Variants in CACNA1C observed in about 807,000 individuals in gnomAD.
The protein encoded by CACNA1C is calcium voltage-gated channel subunit alpha1 C, also known as voltage-dependent L-type calcium channel subunit alpha-1C.
A neutral mutation model predicts 229.0 loss-of-function variants in CACNA1C; 30 were observed. The ratio of observed to expected loss-of-function variants is 0.13; its 90% CI spans 0.10 to 0.18. The LOEUF (loss-of-function observed/expected upper bound fraction) is 0.18. CACNA1C is among the 10% of genes least tolerant of loss of function. The pLI is 1.00. For synonymous variants in CACNA1C, 1,114 were observed against 1,132.5 expected (o/e 0.98, Z 0.33); for missense variants, 1,658 against 2,845.0 (o/e 0.58, Z 9.49).
intron 29 of CACNA1C, among the ~76,000 whole-genome samples, chr12:2,628,024 A>T (rs1271174678): frequency 6.6e-6 from 1 of 152,240 alleles, no homozygotes; most frequent in Non-Finnish European, 1.5e-5. Context: ...CATGGCAGTG[A>T]CAGCACCTCT....
At chr12:2,052,633 C>A (rs1237156649), upstream of CACNA1C, among the ~76,000 whole-genome samples, 1 of 144,638 alleles carries the variant, frequency 6.9e-6, no homozygotes, top group African/African-American at 2.5e-5. Context: ...GCGGCCACCG[C>A]GGCTGGCGCC....
chr12:2,366,137 G>A (rs191621649), intron 3 of CACNA1C, among the ~76,000 whole-genome samples: 5 of 152,310 alleles, frequency 3.3e-5, no homozygotes, highest in East Asian at 1.9e-4. Flanking sequence ...GAGGCATCCT[G>A]AGCAAGAGCA....
intron 31 of CACNA1C, among the ~76,000 whole-genome samples, chr12:2,650,836 C>T (rs1354428670): frequency 6.6e-6 from 1 of 152,140 alleles, no homozygotes; most frequent in Non-Finnish European, 1.5e-5. Context: ...TCTGCAGAAG[C>T]CTCACTTGCA....
chr12:2,183,004 A>G (rs763418154), intron 3 of CACNA1C, among the ~76,000 whole-genome samples: 1 of 152,158 alleles, frequency 6.6e-6, no homozygotes, highest in African/African-American at 2.4e-5. Flanking sequence ...CACTTCCCCC[A>G]GATGATCTTT....
Position 2,488,440 on chromosome 12 carries a change from G to A in CACNA1C, c.916+2178G>A, listed in dbSNP as rs1268219665. 3.3e-5 allele frequency among the ~76,000 whole-genome samples: 5 copies of A among 152,158 alleles called. No homozygotes were observed. Among genetic ancestry groups the A allele is most frequent in the African/African-American group, 1.2e-4 (5 of 41,440 alleles). On this transcript the variant is annotated intron_variant, in intron 6 of 46. Transcript: ENST00000399655. The surrounding 1 kb of genome is among the most constrained non-coding windows in gnomAD (Gnocchi z 4.0). ...AGGTCGCCCCAACGCCCCAAGTACC[G>A]AACCTGTCATGGCCTCCTCTTCTCT... is the stretch of plus-strand genomic sequence containing the variant.
rs2154580847 is a variant in CACNA1C, at chr12:2,524,228, G to A, written c.1390+11244G>A. Reference sequence around the variant, plus strand: ...CCACATGCATGCCAGGCCATCCTGAGTGCTTGAGAGAGACATGGGCACATT... The same window carrying A: ...CCACATGCATGCCAGGCCATCCTGAATGCTTGAGAGAGACATGGGCACATT... On this transcript the variant is annotated intron_variant, in intron 9 of 46. Transcript: ENST00000399655. 1.3e-5 allele frequency among the ~76,000 whole-genome samples: 2 copies of A among 152,338 alleles called. 1 individual carries two copies. The highest frequency in any genetic ancestry group is 6.8e-3 in the Middle Eastern group (2 of 294).
chr12:2,088,499 G>A (rs1023385353), intron 1 of CACNA1C, among the ~76,000 whole-genome samples: 1 of 152,184 alleles, frequency 6.6e-6, no homozygotes, highest in African/African-American at 2.4e-5. Flanking sequence ...TGAAGTGGGC[G>A]TCATAATAAT....
Position 2,686,178 on chromosome 12 carries a change from C to T in CACNA1C, c.5693C>T (p.Ser1898Phe), listed in dbSNP as rs1312835338. 1.9e-6 allele frequency: 3 copies of T among 1,613,810 alleles called. No individual in the cohort carries two copies. The African/African-American group carries it at 4.0e-5, about 22-fold the overall frequency. The change falls in exon 45 of 47, where the codon TCC (serine) becomes TTC (phenylalanine). Residue 1898 changes from serine (S) to phenylalanine (F), a missense_variant. Around this residue, in one of 20 missense-constraint regions of CACNA1C, gnomAD observed 590 missense variants for 700.8 expected, o/e 0.84. Transcript: ENST00000399655. ...GCTGGCTTTGCAGGTCGAAGGGCCT[C>T]CTTCCACCTGGAATGTCTGAAGCGA... The part of the protein sequence containing the change: ...LRSASLGRRA[S>F]FHLECLKRQK...
intron 3 of CACNA1C, among the ~76,000 whole-genome samples, chr12:2,362,838 G>A (rs1471928090): frequency 1.3e-5 from 2 of 152,170 alleles, no homozygotes; most frequent in Non-Finnish European, 2.9e-5. Context: ...CAGATTCTAG[G>A]CCCAGCGGGC....
At chr12:2,443,317 A>T (rs2099246890) in intron 3 of CACNA1C, among the ~76,000 whole-genome samples, 1 of 152,240 alleles carries the variant, frequency 6.6e-6, no homozygotes, top group Non-Finnish European at 1.5e-5. Flanking sequence ...TAGGGCAGTC[A>T]TTAAAGAGCC....
At chr12:2,000,667 G>A (rs1350559117) in intron 1 of CACNA1C, among the ~76,000 whole-genome samples, 1 of 152,150 alleles carries the variant, frequency 6.6e-6, no homozygotes, top group African/African-American at 2.4e-5. Context: ...CACAACCTGG[G>A]ACCTGTAGTG....
chr12:2,576,213 G>T (rs778577510), intron 13 of CACNA1C, among the ~76,000 whole-genome samples: 3 of 152,200 alleles, frequency 2.0e-5, no homozygotes, highest in Non-Finnish European at 4.4e-5. Flanking sequence ...TCAGATGGGG[G>T]ATGGGGTGAG....
chr12:2,657,560 T>C (rs181368301), intron 34 of CACNA1C, among the ~76,000 whole-genome samples: 6 of 152,006 alleles, frequency 3.9e-5, no homozygotes, highest in African/African-American at 1.4e-4. Flanking sequence ...AAAAGGAAGC[T>C]AAAGTAAAAG....
chr12:2,135,681 C>T lies in CACNA1C; in HGVS notation c.477+15251C>T, dbSNP rs112576926. ...CTGCCCGTTCTCAGATCTCCAGCCGCGTGCTGGGAGAACCACTGCTCTCTT... is the reference window on the plus strand; with the variant it reads ...CTGCCCGTTCTCAGATCTCCAGCCGTGTGCTGGGAGAACCACTGCTCTCTT... On this transcript the variant is annotated intron_variant, in intron 3 of 46. Transcript: ENST00000399655. Among the ~76,000 whole-genome samples, 554 of 144,300 alleles carry T rather than the reference C, an allele frequency of 3.8e-3. 16 individuals carry two copies. The highest frequency in any genetic ancestry group is 0.011 in the African/African-American group (393 of 36,182). 94.7% of individuals were successfully genotyped at this position (144,300 alleles called of 152,430 possible). A position where few individuals can be genotyped will look rare whatever the true frequency, so the allele number is the denominator to read the frequency against.
chr12:2,497,446 G>A (rs1430113009), intron 7 of CACNA1C, among the ~76,000 whole-genome samples: 1 of 152,162 alleles, frequency 6.6e-6, no homozygotes, highest in Non-Finnish European at 1.5e-5. Flanking sequence ...AGCTAGACTA[G>A]GCATCACACT....
chr12:2,385,058 C>T (rs1029453927), intron 3 of CACNA1C, among the ~76,000 whole-genome samples: 1 of 152,140 alleles, frequency 6.6e-6, no homozygotes, highest in Admixed American at 6.5e-5. Context: ...AAACTGCCTG[C>T]CCCGAGCTGA....
intron 3 of CACNA1C, among the ~76,000 whole-genome samples, chr12:2,343,922 A>G (rs2239052): frequency 0.19 from 28,405 of 152,140 alleles, 4,021 homozygotes; most frequent in African/African-American, 0.4. Flanking sequence ...TTTGACTGCA[A>G]CAATGTTTCA....
At chr12:2,324,385 C>T (rs571887937) in intron 3 of CACNA1C, among the ~76,000 whole-genome samples, 2 of 152,340 alleles carry the variant, frequency 1.3e-5, no homozygotes, top group African/African-American at 2.4e-5. Context: ...AAGGGACAAG[C>T]CGCGCCCTTG....
chr12:2,504,998 T>G lies in CACNA1C; in HGVS notation c.1217+53T>G. 1 of 913,406 alleles carries G rather than the reference T, an allele frequency of 1.1e-6. No homozygotes were observed. 56.6% of individuals were successfully genotyped at this position (913,406 alleles called of 1,614,324 possible). A position where few individuals can be genotyped will look rare whatever the true frequency, so the allele number is the denominator to read the frequency against. Reference sequence around the variant, plus strand: ...GATTTTTCCATTTATTTTTATTTATTCTTTCTGCTATTCCTGGCTGTATTC... The same window carrying G: ...GATTTTTCCATTTATTTTTATTTATGCTTTCTGCTATTCCTGGCTGTATTC... On this transcript the variant is annotated intron_variant, in intron 8 of 46. Transcript: ENST00000399655. The surrounding 1 kb of genome is among the most constrained non-coding windows in gnomAD (Gnocchi z 6.8).
Sources: allele counts gnomAD v4.1 joint callset (sites outside exome capture counted in the v4.1 genomes callset), GRCh38; gene constraint gnomAD v4.1.1; regional missense constraint gnomAD v4.1.1; non-coding constraint Gnocchi (gnomAD v3.1); transcripts MANE v1.5; gene names NCBI Gene and HGNC (gene_info 2026-07-23, HGNC 2026-07-21).